Variants in NEDD9 observed in about 807,000 individuals in gnomAD.
NEDD9 encodes enhancer of filamentation 1.
Under a neutral mutation model 76.6 loss-of-function variants are expected in NEDD9, and 26 were observed. The observed-to-expected ratio is 0.34, with a 90% confidence interval of 0.25 to 0.47. The LOEUF is 0.47. Ranked by LOEUF, NEDD9 falls within the 20% of genes least tolerant of loss-of-function variation. The pLI is 1.00. For synonymous variants in NEDD9, 392 were observed against 414.2 expected (o/e 0.95, Z 0.65); for missense variants, 937 against 1,058.5 (o/e 0.89, Z 1.59).
chr6:11,244,821 A>T (rs1406457683), intron 3 of NEDD9, among the ~76,000 whole-genome samples: 3 of 152,222 alleles, frequency 2.0e-5, no homozygotes. Context: ...AAAGGCATTT[A>T]GAGTGGAGAG....
At chr6:11,276,540 G>A (rs1760421134) in intron 3 of NEDD9, among the ~76,000 whole-genome samples, 1 of 152,174 alleles carries the variant, frequency 6.6e-6, no homozygotes, top group Non-Finnish European at 1.5e-5. Context: ...TACACAGAGG[G>A]TGCTGCTGTT....
chr6:11,265,943 A>C (rs1760192817), intron 3 of NEDD9, among the ~76,000 whole-genome samples: 1 of 152,098 alleles, frequency 6.6e-6, no homozygotes, highest in South Asian at 2.1e-4. Context: ...AGAGAGTCAA[A>C]TACCACATGT....
At chr6:11,273,918 G>T (rs1053065853) in intron 3 of NEDD9, among the ~76,000 whole-genome samples, 1 of 152,116 alleles carries the variant, frequency 6.6e-6, no homozygotes, top group Non-Finnish European at 1.5e-5. Flanking sequence ...TTCCCAAGTC[G>T]AGCAAAGAAA....
intron 3 of NEDD9, among the ~76,000 whole-genome samples, chr6:11,289,106 T>C (rs944506627): frequency 6.6e-6 from 1 of 152,236 alleles, no homozygotes; most frequent in African/African-American, 2.4e-5. Flanking sequence ...ATTCATCTTA[T>C]TGGCTTCAAA....
At chr6:11,290,214 C>T (rs1006060207) in intron 3 of NEDD9, among the ~76,000 whole-genome samples, 1 of 152,164 alleles carries the variant, frequency 6.6e-6, no homozygotes, top group Admixed American at 6.5e-5. Context: ...CACATTTGCT[C>T]GGAACTATGA....
At chr6:11,325,993 G>A (rs1185985224) in intron 2 of NEDD9, among the ~76,000 whole-genome samples, 5 of 151,956 alleles carry the variant, frequency 3.3e-5, no homozygotes, top group Non-Finnish European at 7.4e-5. Flanking sequence ...TAAAAATACA[G>A]AAATTAGACA....
intron 3 of NEDD9, among the ~76,000 whole-genome samples, chr6:11,299,453 G>A (rs1458065474): frequency 3.3e-5 from 5 of 152,232 alleles, no homozygotes; most frequent in African/African-American, 1.2e-4. Context: ...GCAGCAGACA[G>A]CTTCTGCAGA....
chr6:11,316,931 G>A (rs540307565), intron 2 of NEDD9, among the ~76,000 whole-genome samples: 3 of 152,172 alleles, frequency 2.0e-5, no homozygotes, highest in Non-Finnish European at 4.4e-5. Flanking sequence ...TTAAGTCTAC[G>A]GGGGAAATGG....
chr6:11,222,893 G>C (rs1339940621), intron 1 of NEDD9, among the ~76,000 whole-genome samples: 1 of 152,234 alleles, frequency 6.6e-6, no homozygotes, highest in Non-Finnish European at 1.5e-5. Context: ...TTTTTGAGTA[G>C]GGCAGTTATT....
chr6:11,266,800 C>A lies in NEDD9; in HGVS notation c.12+39192G>T, dbSNP rs546020561. 2.4e-4 allele frequency among the ~76,000 whole-genome samples: 36 copies of A among 152,260 alleles called. 1 individual carries two copies. Among genetic ancestry groups the A allele is most frequent in the African/African-American group, 8.7e-4 (36 of 41,530 alleles). On this transcript the variant is annotated intron_variant, in intron 3 of 3. Transcript: ENST00000397378. ...ATCTCAACCCTACTGGCTGAACAAGCCAAGTCAGGCTATTTGAAGTCTCTG... is the reference window on the plus strand; with the variant it reads ...ATCTCAACCCTACTGGCTGAACAAGACAAGTCAGGCTATTTGAAGTCTCTG...
intron 3 of NEDD9, chr6:11,251,193 G>A (rs1759907033): frequency 2.0e-5 from 3 of 152,058 alleles, no homozygotes; most frequent in Admixed American, 2.0e-4. Context: ...TAACCAATAG[G>A]GTCAACCCCA....
At position 11,191,107 on chromosome 6, in the gene NEDD9, G is replaced by A. The variant is rs546827704; in HGVS notation, c.762C>T (p.Asp254=). The change falls in exon 5 of 7, where the codon GAC becomes GAT. Residue 254 remains aspartate (D), a synonymous_variant. Coordinates refer to ENST00000379446, the MANE Select transcript of NEDD9 (RefSeq NM_006403.4). ...TGTCATAAACCCCCTCCGGTCTGAGGTCCGGCCTTCCAGCTTGTCTCATGG... is the reference window on the plus strand; with the variant it reads ...TGTCATAAACCCCCTCCGGTCTGAGATCCGGCCTTCCAGCTTGTCTCATGG... ...PPPMRQAGRP[D]LRPEGVYDIP... 16 of 1,613,958 alleles carry A rather than the reference G, an allele frequency of 9.9e-6. No homozygotes were observed. In the South Asian group the frequency reaches 1.8e-4, roughly 18 times the overall value.
chr6:11,234,594 T>C (rs778303788), upstream of NEDD9, among the ~76,000 whole-genome samples: 1 of 152,174 alleles, frequency 6.6e-6, no homozygotes, highest in Non-Finnish European at 1.5e-5. Context: ...AAGACACATG[T>C]AATCTACCCG....
At chr6:11,244,459 C>T (rs1456778714) in intron 3 of NEDD9, among the ~76,000 whole-genome samples, 1 of 152,118 alleles carries the variant, frequency 6.6e-6, no homozygotes, top group African/African-American at 2.4e-5. Context: ...TTTCTCCCAC[C>T]TACTTCCCAC....
intron 2 of NEDD9, among the ~76,000 whole-genome samples, chr6:11,203,482 G>A (rs1758516139): frequency 6.6e-6 from 1 of 152,192 alleles, no homozygotes; most frequent in Non-Finnish European, 1.5e-5. Flanking sequence ...CTAAAGAGGA[G>A]AACGCTCAGG....
chr6:11,210,766 G>GGGGAGA (rs1554125281), intron 2 of NEDD9, among the ~76,000 whole-genome samples: 22 of 121,934 alleles, frequency 1.8e-4, no homozygotes, highest in Admixed American at 6.4e-4. Flanking sequence ...AGGGATGGGG[G>GGGGAGA]GAGAGAGAGA....
intron 1 of NEDD9, among the ~76,000 whole-genome samples, chr6:11,355,878 G>A (rs1018929141): frequency 4.0e-5 from 6 of 149,734 alleles, no homozygotes; most frequent in East Asian, 3.9e-4. Context: ...CCGCCACCAC[G>A]CCCGGCTAAT....
chr6:11,306,069 A>AC, exon 3 of NEDD9: 1 of 1,596,716 alleles, frequency 6.3e-7, no homozygotes, highest in African/African-American at 1.3e-5. Context: ...TACTCTTCTG[A>AC]CCAGTTTCTT....
In NEDD9 at chr6:11,193,621, A is replaced by G. The variant is rs772257376; in HGVS notation, c.531T>C (p.Tyr177=). ...GAGTGGTATGAGAAGGAGGGATATC[A>G]TAGACGTCCTTTTGGTATCTGGATG... The part of the protein sequence containing the change: ...EYPSRYQKDV[Y]DIPPSHTTQG... The change falls in exon 3 of 7, where the codon TAT becomes TAC. Residue 177 remains tyrosine, a synonymous_variant. Coordinates refer to ENST00000379446, the MANE Select transcript of NEDD9 (RefSeq NM_006403.4). The G allele has an allele frequency of 5.0e-6, 8 of 1,613,758 alleles. No individual in the cohort carries two copies. The highest frequency in any genetic ancestry group is 6.8e-6 in the Non-Finnish European group (8 of 1,179,668).
Sources: allele counts gnomAD v4.1 joint callset (sites outside exome capture counted in the v4.1 genomes callset), GRCh38; gene constraint gnomAD v4.1.1; transcripts MANE v1.5; gene names NCBI Gene and HGNC (gene_info 2026-07-23, HGNC 2026-07-21).